Variants in MYO3B observed in about 807,000 individuals in gnomAD.
MYO3B encodes the protein myosin-IIIb.
MYO3B carries 156 observed loss-of-function variants against 174.6 expected under a neutral mutation model. The observed-to-expected ratio is 0.89, with a 90% CI of 0.78 to 1.02. The LOEUF is 1.02. MYO3B is among the 50% of genes least tolerant of loss of function. The pLI is 0.00. For missense variants in MYO3B, 1,632 were observed against 1,639.4 expected (o/e 1.00, Z 0.08); for synonymous variants, 563 against 569.1 (o/e 0.99, Z 0.15).
At chr2:170,413,471 G>GT (rs138863505) in intron 22 of MYO3B, among the ~76,000 whole-genome samples, 1,758 of 152,260 alleles carry the variant, frequency 0.012, 48 homozygotes, top group African/African-American at 0.04. Context: ...CTGAACTGCC[G>GT]TGAGTGGTGG....
chr2:170,405,731 T>C, intron 21 of MYO3B, 98 bp downstream of exon 21: 1 of 953,596 alleles, frequency 1.0e-6, no homozygotes, highest in Non-Finnish European at 1.6e-6. Flanking sequence ...TACAGATTTC[T>C]TTCCCATTTT....
At chr2:170,357,986 C>G (rs542924466) in intron 8 of MYO3B, among the ~76,000 whole-genome samples, 15 of 152,188 alleles carry the variant, frequency 9.9e-5, no homozygotes, top group African/African-American at 3.4e-4. Context: ...AACTCCGTCT[C>G]TACTAAAAAT....
chr2:170,180,298 T>C (rs2092382147), intron 1 of MYO3B: 3 of 289,174 alleles, frequency 1.0e-5, no homozygotes, highest in East Asian at 9.9e-5. Flanking sequence ...AATCAGCTCA[T>C]GAAAAGAGGG....
intron 32 of MYO3B, among the ~76,000 whole-genome samples, chr2:170,629,006 C>G (rs569788967): frequency 6.6e-6 from 1 of 152,132 alleles, no homozygotes; most frequent in African/African-American, 2.4e-5. Flanking sequence ...AAGTCAAAAT[C>G]AGAGTGAGCC....
At chr2:170,530,028 A>T (rs1689259161) in intron 30 of MYO3B, among the ~76,000 whole-genome samples, 1 of 152,206 alleles carries the variant, frequency 6.6e-6, no homozygotes, top group East Asian at 1.9e-4. Context: ...CGCCCTGGTC[A>T]CCTTAAATTA....
chr2:170,307,593 G>T (rs2093709641), intron 7 of MYO3B, among the ~76,000 whole-genome samples: 1 of 152,048 alleles, frequency 6.6e-6, no homozygotes, highest in Admixed American at 6.6e-5. Flanking sequence ...AGGACAGGGG[G>T]GCCCCAAAAT....
chr2:170,366,078 G>A (rs1310654690), intron 8 of MYO3B, among the ~76,000 whole-genome samples: 1 of 152,094 alleles, frequency 6.6e-6, no homozygotes, highest in Non-Finnish European at 1.5e-5. Flanking sequence ...TGCATGCAGT[G>A]GTGGTTCTTC....
At chr2:170,649,264 T>A (rs1316788810) in intron 32 of MYO3B, among the ~76,000 whole-genome samples, 4 of 71,600 alleles carry the variant, frequency 5.6e-5, no homozygotes, top group Admixed American at 2.6e-4. Flanking sequence ...TAATATATAA[T>A]ATATTATATA....
chr2:170,652,125 A>G lies in MYO3B; in HGVS notation c.3858A>G (p.Gln1286=). The change falls in exon 34 of 35, where the codon CAA becomes CAG. Residue 1286 remains glutamine (Q), a synonymous_variant. Transcript: ENST00000408978. ...CTCCACAGGGAACTCTAGAATATCA[A>G]GGGAGCAAGAGGAAGCCAAGAAAAC... The part of the protein sequence containing the change: ...YNQLNGTLEY[Q]GSKRKPRKLG... 1.9e-6 allele frequency: 3 copies of G among 1,614,090 alleles called. No homozygotes were observed. The highest frequency in any genetic ancestry group is 1.1e-5 in the South Asian group (1 of 91,068).
chr2:170,487,152 T>C (rs1686118838), intron 25 of MYO3B, among the ~76,000 whole-genome samples: 1 of 152,206 alleles, frequency 6.6e-6, no homozygotes, highest in African/African-American at 2.4e-5. Context: ...CTGCTAAGTC[T>C]TTTTGTTTTT....
At chr2:170,386,020 A>G in intron 12 of MYO3B, 169 bp from the exon 13 acceptor site, 1 of 552,690 alleles carries the variant, frequency 1.8e-6, no homozygotes, top group Non-Finnish European at 3.3e-6. Flanking sequence ...TGGAACAACA[A>G]GTAGCTATAC....
At chr2:170,462,933 GA>G (rs1237632003) in intron 23 of MYO3B, among the ~76,000 whole-genome samples, 1 of 152,224 alleles carries the variant, frequency 6.6e-6, no homozygotes, top group East Asian at 1.9e-4. Flanking sequence ...ATCAGAGTCT[GA>G]CGACGTGGAA....
At chr2:170,326,549 C>T (rs1390737911) in intron 7 of MYO3B, among the ~76,000 whole-genome samples, 1 of 142,842 alleles carries the variant, frequency 7.0e-6, no homozygotes, top group African/African-American at 2.4e-5. Context: ...ACCACATTGG[C>T]TCAGACAACG....
chr2:170,229,902 A>G (rs2092995633), intron 6 of MYO3B, among the ~76,000 whole-genome samples: 1 of 152,198 alleles, frequency 6.6e-6, no homozygotes, highest in South Asian at 2.1e-4. Flanking sequence ...AGTCCTAGTC[A>G]TGGATCATGA....
chr2:170,476,557 C>G (rs1377153045), intron 25 of MYO3B, among the ~76,000 whole-genome samples: 1 of 152,056 alleles, frequency 6.6e-6, no homozygotes, highest in Non-Finnish European at 1.5e-5. Context: ...AGTGGCCAGA[C>G]TCCTCTCCAA....
chr2:170,321,543 G>T (rs1259789809), intron 7 of MYO3B, among the ~76,000 whole-genome samples: 3 of 152,024 alleles, frequency 2.0e-5, no homozygotes, highest in African/African-American at 7.3e-5. Flanking sequence ...TTAATGAAAG[G>T]GTCCTTTTTC....
At chr2:170,542,128 C>T (rs1219304887) in intron 30 of MYO3B, among the ~76,000 whole-genome samples, 4 of 152,050 alleles carry the variant, frequency 2.6e-5, no homozygotes, top group Non-Finnish European at 4.4e-5. Context: ...CACATGTGTG[C>T]GTGTGTGTGA....
chr2:170,440,871 G>A (rs1298948347), intron 22 of MYO3B, among the ~76,000 whole-genome samples: 1 of 140,182 alleles, frequency 7.1e-6, no homozygotes, highest in Non-Finnish European at 1.5e-5. Context: ...GCATGATCTC[G>A]GTTCACTGCA....
chr2:170,523,528 C>A (rs954860452), intron 30 of MYO3B, among the ~76,000 whole-genome samples: 22 of 152,098 alleles, frequency 1.4e-4, no homozygotes, highest in Non-Finnish European at 2.4e-4. Context: ...TGGTGATGTT[C>A]TCATTGGAAG....
Sources: allele counts gnomAD v4.1 joint callset (sites outside exome capture counted in the v4.1 genomes callset), GRCh38; gene constraint gnomAD v4.1.1; transcripts MANE v1.5; gene names NCBI Gene and HGNC (gene_info 2026-07-23, HGNC 2026-07-21).